The following KANK1 variants were observed in gnomAD, a reference collection of about 807,000 sequenced individuals.
The protein encoded by KANK1 is KN motif and ankyrin repeat domains 1, also known as KN motif and ankyrin repeat domain-containing protein 1.
KANK1 carries 109 observed loss-of-function variants against 106.2 expected under a neutral mutation model. The observed-to-expected ratio is 1.03, with a 90% CI of 0.88 to 1.20. The LOEUF (loss-of-function observed/expected upper bound fraction) is 1.20, where lower values mean the gene tolerates loss of function less well. Ranked by LOEUF, KANK1 falls within the 50% of genes most tolerant of loss-of-function variation. KANK1 has a pLI of 0.00. For synonymous variants in KANK1, 873 were observed against 652.2 expected (o/e 1.34, Z -5.16); for missense variants, 2,399 against 1,710.7 (o/e 1.40, Z -7.10).
intron 3 of KANK1, among the ~76,000 whole-genome samples, chr9:478,797 C>T (rs564878409): frequency 6.6e-6 from 1 of 152,326 alleles, no homozygotes; most frequent in African/African-American, 2.4e-5. Flanking sequence ...AAGATTTGAT[C>T]AGTTACAGAA....
intron 1 of KANK1, among the ~76,000 whole-genome samples, chr9:673,037 C>T (rs1461526478): frequency 6.6e-6 from 1 of 152,014 alleles, no homozygotes; most frequent in Non-Finnish European, 1.5e-5. Flanking sequence ...CTGGTTTATA[C>T]AATGCACCGA....
chr9:521,785 C>G (rs1254742971), intron 1 of KANK1, among the ~76,000 whole-genome samples: 1 of 151,388 alleles, frequency 6.6e-6, no homozygotes, highest in Non-Finnish European at 1.5e-5. Flanking sequence ...CCAGGCTGGT[C>G]TCGAACTCCT....
At chr9:727,680 ATGTGTGTGTGTGTG>A (rs55997819) in intron 3 of KANK1, among the ~76,000 whole-genome samples, 4 of 139,660 alleles carry the variant, frequency 2.9e-5, no homozygotes, top group Admixed American at 1.4e-4. Flanking sequence ...ATAACTTTTC[ATGTGTGTGTGTGTG>A]TGTGTGTGTG....
At chr9:583,076 G>C (rs1360142282) in intron 1 of KANK1, among the ~76,000 whole-genome samples, 1 of 152,148 alleles carries the variant, frequency 6.6e-6, no homozygotes, top group East Asian at 1.9e-4. Context: ...TTAAAAGACT[G>C]GTTGGTGCAG....
chr9:557,184 A>G (rs1223137359), intron 1 of KANK1, among the ~76,000 whole-genome samples: 3 of 128,888 alleles, frequency 2.3e-5, no homozygotes, highest in Non-Finnish European at 3.4e-5. Flanking sequence ...CCATGTCTCA[A>G]AAGGAAAAAA....
intron 9 of KANK1, 137 bp from the exon 10 acceptor site, chr9:742,068 T>C: frequency 1.4e-6 from 1 of 731,002 alleles, no homozygotes; most frequent in South Asian, 1.8e-5. Context: ...TGCCACCACC[T>C]GCCCCAAGTA....
chr9:737,816 C>T (rs1402815362), intron 7 of KANK1, among the ~76,000 whole-genome samples: 1 of 152,166 alleles, frequency 6.6e-6, no homozygotes, highest in African/African-American at 2.4e-5. Flanking sequence ...TTAATTTCTT[C>T]CTAATTTCTA....
intron 1 of KANK1, among the ~76,000 whole-genome samples, chr9:651,974 T>G (rs1347276854): frequency 6.6e-6 from 1 of 152,236 alleles, no homozygotes; most frequent in Admixed American, 6.5e-5. Context: ...GTTTACTATG[T>G]TCAAAGCAAT....
chr9:745,087 G>C, intron 11 of KANK1, 86 bp from the exon 12 acceptor site: 2 of 1,555,524 alleles, frequency 1.3e-6, no homozygotes, highest in Non-Finnish European at 1.7e-6. Flanking sequence ...TGTTGCCTGT[G>C]GTGGGCCAAG....
At position 521,665 on chromosome 9, in the gene KANK1, C is replaced by T. The variant is rs140978490; in HGVS notation, c.-84+16911C>T. On this transcript the variant is annotated intron_variant, in intron 1 of 11. Transcript: ENST00000382297. ...CACTTTAACCTCTGCCTTCTGGGTT[C>T]AAGCGATTCTCCTGCCTCAGCCTCC... 1.2e-3 allele frequency among the ~76,000 whole-genome samples: 174 copies of T among 147,496 alleles called. 6 individuals are homozygous for T. The East Asian group carries it at 0.029, about 25-fold the overall frequency.
chr9:510,688 T>TA (rs1353911855), intron 1 of KANK1, among the ~76,000 whole-genome samples: 1 of 152,208 alleles, frequency 6.6e-6, no homozygotes, highest in Non-Finnish European at 1.5e-5. Context: ...TTCTGGAAGA[T>TA]ACCGAAAATA....
intron 2 of KANK1, among the ~76,000 whole-genome samples, chr9:705,669 G>A (rs1463874577): frequency 1.3e-5 from 2 of 151,086 alleles, no homozygotes; most frequent in Non-Finnish European, 3.0e-5. Flanking sequence ...TGTGATCTTG[G>A]CTCACTGCAA....
chr9:644,483 C>G (rs1839213240), intron 1 of KANK1, among the ~76,000 whole-genome samples: 1 of 150,918 alleles, frequency 6.6e-6, no homozygotes, highest in African/African-American at 2.5e-5. Context: ...CCTCAGGAAA[C>G]TTAGAATCAT....
At chr9:697,872 T>C (rs1821698043) in intron 2 of KANK1, among the ~76,000 whole-genome samples, 1 of 152,182 alleles carries the variant, frequency 6.6e-6, no homozygotes, top group South Asian at 2.1e-4. Flanking sequence ...TTGAGACTAA[T>C]AACTGGTAGG....
At chr9:551,171 C>T (rs187555428) in intron 1 of KANK1, among the ~76,000 whole-genome samples, 10 of 151,606 alleles carry the variant, frequency 6.6e-5, no homozygotes, top group Non-Finnish European at 1.0e-4. Flanking sequence ...CAGCTCTCCC[C>T]CTCTGTTGCC....
upstream of KANK1, among the ~76,000 whole-genome samples, chr9:503,694 T>C (rs1349921603): frequency 6.6e-6 from 1 of 152,178 alleles, no homozygotes; most frequent in Non-Finnish European, 1.5e-5. Context: ...TTTTGAGTAA[T>C]ACCTGGTTTT....
chr9:482,719 T>C (rs1036323730), intron 3 of KANK1, among the ~76,000 whole-genome samples: 6 of 152,230 alleles, frequency 3.9e-5, no homozygotes, highest in African/African-American at 7.2e-5. Flanking sequence ...TGGCCTATCA[T>C]TGGATGTAAG....
upstream of KANK1, among the ~76,000 whole-genome samples, chr9:502,091 C>T (rs998989038): frequency 6.6e-6 from 1 of 152,136 alleles, no homozygotes; most frequent in African/African-American, 2.4e-5. Flanking sequence ...GTGAAAGAAG[C>T]TAGTAGCATG....
At chr9:474,821 A>G (rs993243012) in intron 3 of KANK1, among the ~76,000 whole-genome samples, 4 of 152,210 alleles carry the variant, frequency 2.6e-5, no homozygotes, top group African/African-American at 9.7e-5. Flanking sequence ...TGTCTAGGCC[A>G]TCTAGACTTT....
Sources: gnomAD v4.1 joint callset for allele counts (sites outside exome capture counted in the v4.1 genomes callset) on GRCh38, gnomAD v4.1.1 for gene constraint, MANE v1.5 for transcripts, NCBI Gene and HGNC (gene_info 2026-07-23, HGNC 2026-07-21) for gene names.